Variants in ZNF385D observed in about 807,000 individuals in gnomAD.
ZNF385D encodes zinc finger protein 659.
A neutral mutation model predicts 35.8 loss-of-function variants in ZNF385D; 15 were observed. The observed-to-expected ratio is 0.42, with a 90% CI of 0.28 to 0.64. The LOEUF is 0.64. ZNF385D is among the 30% of genes least tolerant of loss of function. The probability of loss-of-function intolerance (pLI) is 0.23; values close to 1 mark genes in which losing one functional copy is unlikely to be tolerated. For synonymous variants in ZNF385D, 212 were observed against 186.8 expected, an observed-to-expected ratio of 1.13 and a Z score of -1.10; for missense variants, 474 against 494.6, an observed-to-expected ratio of 0.96 and a Z score of 0.39.
chr3:21,543,734 T>G (rs2062268426), intron 3 of ZNF385D, among the ~76,000 whole-genome samples: 1 of 152,232 alleles, frequency 6.6e-6, no homozygotes, highest in Admixed American at 6.5e-5. Flanking sequence ...CTTTTAAAGT[T>G]TCTTTTTTTC....
chr3:22,249,686 A>C (rs138969351), intron 2 of ZNF385D, among the ~76,000 whole-genome samples: 1 of 152,332 alleles, frequency 6.6e-6, no homozygotes, highest in African/African-American at 2.4e-5. Context: ...CAACAGCAGC[A>C]ATCATTTTTG....
At chr3:22,120,675 TA>T (rs1559383948) in intron 3 of ZNF385D, among the ~76,000 whole-genome samples, 2 of 152,182 alleles carry the variant, frequency 1.3e-5, no homozygotes, top group African/African-American at 4.8e-5. Flanking sequence ...CGTATTCACC[TA>T]AATTTAGTGA....
chr3:22,219,800 C>T (rs1428045895), intron 2 of ZNF385D, among the ~76,000 whole-genome samples: 3 of 152,056 alleles, frequency 2.0e-5, no homozygotes, highest in African/African-American at 4.8e-5. Flanking sequence ...TTAAGTAATG[C>T]TTTGTCACTA....
At position 22,176,761 on chromosome 3, in the gene ZNF385D, A is replaced by G. The variant is rs147054142; in HGVS notation, c.107-7726T>C. ...CAGTTTCAAAAAGAAATTTTACCTTAATCTTCAAATGACTCACCATGAAAG... is the reference window on the plus strand; with the variant it reads ...CAGTTTCAAAAAGAAATTTTACCTTGATCTTCAAATGACTCACCATGAAAG... On this transcript the variant is annotated intron_variant, in intron 2 of 5. Coordinates refer to the ZNF385D transcript ENST00000494108. Among the ~76,000 whole-genome samples the G allele has an allele frequency of 2.0e-5, 3 of 152,268 alleles. No homozygotes were observed. The East Asian group carries it at 5.8e-4, about 29-fold the overall frequency.
intron 3 of ZNF385D, among the ~76,000 whole-genome samples, chr3:21,563,074 T>G (rs190725595): frequency 1.4e-4 from 21 of 151,610 alleles, no homozygotes; most frequent in African/African-American, 5.1e-4. Context: ...ATGTTGAGAT[T>G]CTGACCCCCA....
chr3:21,831,899 G>C (rs1421161182), intron 3 of ZNF385D, among the ~76,000 whole-genome samples: 1 of 152,110 alleles, frequency 6.6e-6, no homozygotes. Context: ...ATTAAAAGAA[G>C]CTTAGAGACA....
intron 4 of ZNF385D, among the ~76,000 whole-genome samples, chr3:21,482,679 C>T (rs547820107): frequency 6.6e-6 from 1 of 152,206 alleles, no homozygotes; most frequent in Non-Finnish European, 1.5e-5. Context: ...TTCTAGACAT[C>T]AAATTAGGTC....
intron 3 of ZNF385D, among the ~76,000 whole-genome samples, chr3:21,527,038 A>T (rs1436373829): frequency 6.6e-6 from 1 of 152,198 alleles, no homozygotes; most frequent in Non-Finnish European, 1.5e-5. Flanking sequence ...TTTTCAAAAA[A>T]AAAATCCATG....
At position 22,105,492 on chromosome 3, in the gene ZNF385D, C is replaced by T. The variant is rs190314837; in HGVS notation, c.325+63325G>A. ...TATAAAATATTGGCTCACACAATTA[C>T]GGAGGCTGAGAAGTCCCACAGTCTG... On this transcript the variant is annotated intron_variant, in intron 3 of 5. Transcript: ENST00000494108. Among the ~76,000 whole-genome samples the T allele has an allele frequency of 5.4e-3, 815 of 152,124 alleles. 11 individuals are homozygous for T. Among genetic ancestry groups the T allele is most frequent in the African/African-American group, 0.018 (737 of 41,524 alleles).
At chr3:22,130,479 C>G (rs755925653) in intron 3 of ZNF385D, among the ~76,000 whole-genome samples, 1 of 152,156 alleles carries the variant, frequency 6.6e-6, no homozygotes, top group Non-Finnish European at 1.5e-5. Flanking sequence ...GTTCTGATAA[C>G]TGGGACGGAT....
intron 3 of ZNF385D, among the ~76,000 whole-genome samples, chr3:21,762,051 A>G (rs1161416692): frequency 2.7e-5 from 4 of 150,878 alleles, no homozygotes; most frequent in Non-Finnish European, 4.4e-5. Flanking sequence ...GCTAATTTTT[A>G]TATTTTTAGT....
intron 3 of ZNF385D, among the ~76,000 whole-genome samples, chr3:21,886,270 C>T (rs1698541875): frequency 6.6e-6 from 1 of 152,160 alleles, no homozygotes; most frequent in Admixed American, 6.5e-5. Context: ...AGAAGGTTTT[C>T]CTTCCTCTAA....
At chr3:21,638,940 G>A (rs2065523839) in intron 2 of ZNF385D, among the ~76,000 whole-genome samples, 1 of 152,000 alleles carries the variant, frequency 6.6e-6, no homozygotes, top group African/African-American at 2.4e-5. Flanking sequence ...AAACCACAAA[G>A]AAATGGAAAC....
chr3:21,575,108 T>G (rs2063457325), intron 2 of ZNF385D, among the ~76,000 whole-genome samples: 2 of 152,346 alleles, frequency 1.3e-5, no homozygotes, highest in African/African-American at 4.8e-5. Context: ...TATTTTCTTT[T>G]GAGTTCTTTA....
intron 3 of ZNF385D, among the ~76,000 whole-genome samples, chr3:22,119,802 G>A (rs1405261353): frequency 6.6e-6 from 1 of 151,508 alleles, no homozygotes; most frequent in Non-Finnish European, 1.5e-5. Context: ...GCTTTTACTA[G>A]TGAGTATTTA....
intron 3 of ZNF385D, among the ~76,000 whole-genome samples, chr3:22,149,197 T>C (rs1350566369): frequency 6.6e-6 from 1 of 152,162 alleles, no homozygotes; most frequent in African/African-American, 2.4e-5. Context: ...AGAGGAACCC[T>C]GAAATATTTC....
chr3:21,967,405 T>C (rs1212374334), intron 3 of ZNF385D, among the ~76,000 whole-genome samples: 1 of 152,202 alleles, frequency 6.6e-6, no homozygotes, highest in African/African-American at 2.4e-5. Flanking sequence ...AACTTCTACT[T>C]CCAGCTATTT....
intron 2 of ZNF385D, among the ~76,000 whole-genome samples, chr3:22,350,495 G>T (rs748029179): frequency 6.6e-6 from 1 of 152,036 alleles, no homozygotes; most frequent in Non-Finnish European, 1.5e-5. Flanking sequence ...ACCAGTCCAT[G>T]ATAAATCTGT....
intron 1 of ZNF385D, among the ~76,000 whole-genome samples, chr3:21,700,910 T>C (rs1291376890): frequency 2.6e-5 from 4 of 152,196 alleles, no homozygotes; most frequent in Non-Finnish European, 5.9e-5. Flanking sequence ...AAATATATCT[T>C]AAATAACTGT....
Sources: allele counts gnomAD v4.1 joint callset (sites outside exome capture counted in the v4.1 genomes callset), GRCh38; gene constraint gnomAD v4.1.1; transcripts MANE v1.5; gene names NCBI Gene and HGNC (gene_info 2026-07-23, HGNC 2026-07-21).